CCDC68: variants seen among roughly 807,000 people sequenced by gnomAD.
CCDC68 encodes the protein coiled-coil domain containing 68, also known as coiled-coil domain-containing protein 68.
A neutral mutation model predicts 47.1 loss-of-function variants in CCDC68; 45 were observed. The observed-to-expected ratio is 0.96, with a 90% CI of 0.75 to 1.23. CCDC68 has a LOEUF of 1.23. Ranked by LOEUF, CCDC68 falls within the 50% of genes most tolerant of loss-of-function variation. The pLI is 0.00. For missense variants in CCDC68, 353 were observed against 373.6 expected (o/e 0.94, Z 0.45); for synonymous variants, 131 against 129.5 (o/e 1.01, Z -0.08).
chr18:54,906,573 C>T (rs1410520431), intron 11 of CCDC68, among the ~76,000 whole-genome samples: 1 of 152,154 alleles, frequency 6.6e-6, no homozygotes, highest in African/African-American at 2.4e-5. Context: ...GGCCATAGTG[C>T]TTCACCATCC....
At chr18:54,936,647 T>C (rs1447639312) in intron 6 of CCDC68, among the ~76,000 whole-genome samples, 186 bp downstream of exon 6, 2 of 152,122 alleles carry the variant, frequency 1.3e-5, no homozygotes, top group African/African-American at 4.8e-5. Flanking sequence ...CAGCAACATC[T>C]GGGGTGTCCG....
chr18:54,948,800 G>C (rs896054876), intron 1 of CCDC68, among the ~76,000 whole-genome samples: 16 of 152,142 alleles, frequency 1.1e-4, no homozygotes, highest in African/African-American at 3.9e-4. Context: ...GCTGATCAGG[G>C]GACCAAGGGT....
At position 54,937,199 on chromosome 18, in the gene CCDC68, G is replaced by T. The variant is rs2044364603; in HGVS notation, c.346-241C>A. ...CATAGTCAAACCAAACCAGAGCTCT[G>T]TGCATAGTAACGTCCTGCAGTGATA... On this transcript the variant is annotated intron_variant, in intron 5 of 11. Coordinates refer to ENST00000591504, the MANE Select transcript of CCDC68 (RefSeq NM_025214.3). 1.2e-5 allele frequency: 6 copies of T among 484,218 alleles called. No individual in the cohort carries two copies. The South Asian group carries it at 1.4e-4, about 11-fold the overall frequency. The allele number at this position is 484,218 out of a possible 1,614,324, so 30.0% of individuals were successfully genotyped here. A position where few individuals can be genotyped will look rare whatever the true frequency, so the allele number is the denominator to read the frequency against.
intron 10 of CCDC68, among the ~76,000 whole-genome samples, chr18:54,916,034 G>A (rs188265883): frequency 2.4e-3 from 371 of 152,308 alleles, no homozygotes; most frequent in African/African-American, 8.5e-3. Context: ...AAGAAAGGCT[G>A]TGAAGAAATG....
At chr18:54,929,456 C>T (rs777817874) in intron 7 of CCDC68, among the ~76,000 whole-genome samples, 3 of 152,096 alleles carry the variant, frequency 2.0e-5, no homozygotes, top group South Asian at 4.1e-4. Context: ...TAAAAAGATG[C>T]CTTAATTTGA....
chr18:54,937,504 A>C (rs1276513716), intron 5 of CCDC68: 1 of 153,274 alleles, frequency 6.5e-6, no homozygotes, highest in African/African-American at 2.4e-5. Context: ...AATCAAAAGC[A>C]TTCAGCAATA....
At chr18:54,950,594 ATATAT>A (rs1221074887) in intron 1 of CCDC68, among the ~76,000 whole-genome samples, 1 of 152,194 alleles carries the variant, frequency 6.6e-6, no homozygotes, top group Non-Finnish European at 1.5e-5. Flanking sequence ...GTATATACAC[ATATAT>A]TATAGCCAGT....
intron 8 of CCDC68, among the ~76,000 whole-genome samples, chr18:54,919,864 C>CT (rs1462416345): frequency 6.6e-6 from 1 of 151,956 alleles, no homozygotes; most frequent in Non-Finnish European, 1.5e-5. Flanking sequence ...CTGTGTTTGT[C>CT]TTTTTTTATT....
At chr18:54,943,333 A>T (rs907023143) in intron 2 of CCDC68, among the ~76,000 whole-genome samples, 5 of 152,164 alleles carry the variant, frequency 3.3e-5, no homozygotes, top group Non-Finnish European at 7.4e-5. Flanking sequence ...CATCACTAGG[A>T]TGTATTATTA....
Position 54,941,067 on chromosome 18 carries a change from T to C in CCDC68, c.134A>G (p.Gln45Arg). 6.2e-7 allele frequency: 1 copy of C among 1,612,374 alleles called. No individual in the cohort carries two copies. The highest frequency in any genetic ancestry group is 2.2e-5 in the East Asian group (1 of 44,784). ...EYVKKIRTTLQKIRTQMFKDE... is the reference protein window; with the variant it reads ...EYVKKIRTTLRKIRTQMFKDE... The stretch of plus-strand genomic sequence containing the variant: ...TTTAAACATCTGGGTCCTGATCTTT[T>C]GCAGAGTAGTTCGAATCTAGAGAAG... Residue 45 changes from glutamine (Q) to arginine (R), a missense_variant, in exon 4 of 12, where the codon CAA becomes CGA. By Grantham distance (43) the Gln-to-Arg change is conservative. Coordinates refer to ENST00000591504, the MANE Select transcript of CCDC68 (RefSeq NM_025214.3).
At chr18:54,937,197 C>T in intron 5 of CCDC68, 1 of 490,062 alleles carries the variant, frequency 2.0e-6, no homozygotes, top group Non-Finnish European at 3.7e-6. Flanking sequence ...AACCAGAGCT[C>T]TGTGCATAGT....
At chr18:54,906,254 A>C (rs1914003391) in intron 11 of CCDC68, among the ~76,000 whole-genome samples, 1 of 152,160 alleles carries the variant, frequency 6.6e-6, no homozygotes, top group Non-Finnish European at 1.5e-5. Flanking sequence ...AAAATCACAG[A>C]ACAAAGGGGA....
intron 11 of CCDC68, 42 bp downstream of exon 11, chr18:54,907,744 C>A (rs374855422): frequency 9.2e-7 from 1 of 1,092,218 alleles, no homozygotes; most frequent in Non-Finnish European, 1.4e-6. Flanking sequence ...ACATGTTCAA[C>A]ATAGGTTGTG....
chr18:54,923,267 G>T (rs1468979436), intron 8 of CCDC68, among the ~76,000 whole-genome samples: 1 of 152,082 alleles, frequency 6.6e-6, no homozygotes, highest in Non-Finnish European at 1.5e-5. Context: ...AGTAAGGTGA[G>T]AATTTAAAAT....
In CCDC68 at chr18:54,950,003, G is replaced by A. The variant is rs150536897; in HGVS notation, c.-102-4526C>T. On this transcript the variant is annotated intron_variant, in intron 1 of 11. Coordinates refer to ENST00000591504, the MANE Select transcript of CCDC68 (RefSeq NM_025214.3). ...CCTCATCTCACAACCTGATTTCACC[G>A]GTGTCCTAGCATATGAGATCCTCCC... is the stretch of plus-strand genomic sequence containing the variant. 3.3e-5 allele frequency among the ~76,000 whole-genome samples: 5 copies of A among 152,226 alleles called. No individual in the cohort carries two copies. In the East Asian group the frequency reaches 7.7e-4, roughly 24 times the overall value.
chr18:54,919,237 T>C, intron 9 of CCDC68, 34 bp downstream of exon 9: 1 of 1,530,850 alleles, frequency 6.5e-7, no homozygotes, highest in Non-Finnish European at 9.1e-7. Flanking sequence ...GTAAACATAC[T>C]GTCTACCAGA....
chr18:54,956,146 C>T (rs903558768), intron 1 of CCDC68, among the ~76,000 whole-genome samples: 6 of 152,160 alleles, frequency 3.9e-5, no homozygotes, highest in African/African-American at 1.2e-4. Flanking sequence ...CATGCCACCA[C>T]GCCCAGGTGA....
intron 7 of CCDC68, among the ~76,000 whole-genome samples, chr18:54,933,766 C>T (rs1302968693): frequency 6.6e-6 from 1 of 152,170 alleles, no homozygotes; most frequent in Non-Finnish European, 1.5e-5. Flanking sequence ...ACACATGCAG[C>T]TGAATATTAT....
chr18:54,927,995 G>T (rs1351756736), intron 8 of CCDC68, among the ~76,000 whole-genome samples: 1 of 152,144 alleles, frequency 6.6e-6, no homozygotes, highest in Admixed American at 6.5e-5. Flanking sequence ...CAACAATTCT[G>T]TCCATAATGG....
Sources: gnomAD v4.1 joint callset for allele counts (sites outside exome capture counted in the v4.1 genomes callset) on GRCh38, gnomAD v4.1.1 for gene constraint, MANE v1.5 for transcripts, NCBI Gene and HGNC (gene_info 2026-07-23, HGNC 2026-07-21) for gene names.